The following NELL2 variants were observed in gnomAD, a reference collection of about 807,000 sequenced individuals.
NELL2 encodes the protein neural EGFL like 2.
In NELL2, 41 loss-of-function variants were observed where a neutral mutation model predicts 109.6. The ratio of observed to expected loss-of-function variants is 0.37; its 90% CI spans 0.29 to 0.49. The LOEUF is 0.49. NELL2 is among the 20% of genes least tolerant of loss of function. The pLI, the probability that NELL2 is intolerant of heterozygous loss-of-function variation, is 0.98. For synonymous variants in NELL2, 355 were observed against 344.7 expected, an observed-to-expected ratio of 1.03 and a Z score of -0.33; for missense variants, 900 against 1,008.3, an observed-to-expected ratio of 0.89 and a Z score of 1.45.
At chr12:44,654,106 C>G (rs1947401274) in intron 13 of NELL2, among the ~76,000 whole-genome samples, 1 of 152,194 alleles carries the variant, frequency 6.6e-6, no homozygotes, top group African/African-American at 2.4e-5. Flanking sequence ...CTTCTCTGAG[C>G]TCCCCACAGC....
At chr12:44,802,946 A>G (rs1166637002) in intron 3 of NELL2, among the ~76,000 whole-genome samples, 1 of 152,046 alleles carries the variant, frequency 6.6e-6, no homozygotes, top group East Asian at 1.9e-4. Flanking sequence ...TCTCCCTGAT[A>G]AAACACTAAT....
intron 9 of NELL2, among the ~76,000 whole-genome samples, chr12:44,762,951 A>C (rs1941186977): frequency 6.6e-6 from 1 of 152,172 alleles, no homozygotes; most frequent in Non-Finnish European, 1.5e-5. Flanking sequence ...TAGAACAATC[A>C]TTCCATATTA....
At position 44,508,914 on chromosome 12, in the gene NELL2, C is replaced by T; in HGVS notation, c.*20G>A. 1 of 1,600,772 alleles carries T rather than the reference C, an allele frequency of 6.2e-7. No individual in the cohort carries two copies. The highest frequency in any genetic ancestry group is 1.1e-5 in the South Asian group (1 of 89,192). ...GAAAGAACATTCTTTTAACAGAAATCTCCCATGAGACAGTTAACTTCACAG... is the reference window on the plus strand; with the variant it reads ...GAAAGAACATTCTTTTAACAGAAATTTCCCATGAGACAGTTAACTTCACAG... On this transcript the variant is annotated 3_prime_UTR_variant, in exon 20 of 20. Coordinates refer to ENST00000429094, the MANE Select transcript of NELL2 (RefSeq NM_001145108.2).
At chr12:44,566,172 C>T (rs555115173) in intron 15 of NELL2, among the ~76,000 whole-genome samples, 2 of 152,200 alleles carry the variant, frequency 1.3e-5, no homozygotes, top group East Asian at 1.9e-4. Context: ...TTCAAAATTA[C>T]ATAACTCAAT....
At chr12:44,690,541 G>GA (rs113014523) in intron 12 of NELL2, among the ~76,000 whole-genome samples, 4,838 of 138,580 alleles carry the variant, frequency 0.035, 190 homozygotes, top group African/African-American at 0.11. Context: ...CTGAGGTCTT[G>GA]AAAAAAAAAA....
chr12:44,813,901 A>G (rs1191169515), intron 3 of NELL2, among the ~76,000 whole-genome samples: 2 of 152,206 alleles, frequency 1.3e-5, no homozygotes, highest in African/African-American at 4.8e-5. Context: ...CTGACAGCAA[A>G]CCACCTGATG....
chr12:44,576,916 G>A (rs1240706211), intron 15 of NELL2, among the ~76,000 whole-genome samples: 6 of 146,976 alleles, frequency 4.1e-5, no homozygotes, highest in South Asian at 2.2e-4. Flanking sequence ...TGGTGTATAT[G>A]TGCCACATTT....
At chr12:44,888,235 A>G (rs929631757) in intron 1 of NELL2, among the ~76,000 whole-genome samples, 6 of 151,982 alleles carry the variant, frequency 3.9e-5, no homozygotes, top group African/African-American at 1.5e-4. Flanking sequence ...TTTGGTTACT[A>G]TAGCTTTGTA....
At chr12:44,784,702 C>A (rs761021340) in intron 3 of NELL2, among the ~76,000 whole-genome samples, 1 of 152,134 alleles carries the variant, frequency 6.6e-6, no homozygotes, top group Non-Finnish European at 1.5e-5. Flanking sequence ...CGGCTTCATC[C>A]CTGCGATGCA....
At chr12:44,848,667 AAGAG>A (rs113410725) in intron 2 of NELL2, among the ~76,000 whole-genome samples, 16 of 149,970 alleles carry the variant, frequency 1.1e-4, no homozygotes, top group South Asian at 4.2e-4. Flanking sequence ...CACTTTATAA[AAGAG>A]AGAGAGAGAG....
chr12:44,701,300 G>A lies in NELL2; in HGVS notation c.1318+2426C>T, dbSNP rs577922044. The stretch of plus-strand genomic sequence containing the variant: ...AGATATCTTGAATTTGATGATATAT[G>A]TTCAACAAATTTTTCCATCACTTTC... On this transcript the variant is annotated intron_variant, in intron 12 of 19. Coordinates refer to ENST00000429094, the MANE Select transcript of NELL2 (RefSeq NM_001145108.2). Among the ~76,000 whole-genome samples, 3 of 152,080 alleles carry A rather than the reference G, an allele frequency of 2.0e-5. No individual in the cohort carries two copies. The South Asian group carries it at 6.2e-4, about 32-fold the overall frequency.
chr12:44,572,250 T>C (rs1167338857), intron 15 of NELL2, among the ~76,000 whole-genome samples: 1 of 152,208 alleles, frequency 6.6e-6, no homozygotes, highest in African/African-American at 2.4e-5. Context: ...CAAGCGATTC[T>C]TCTGCCTCAG....
At chr12:44,720,708 CA>C (rs1488895874) in intron 9 of NELL2, among the ~76,000 whole-genome samples, 1 of 152,150 alleles carries the variant, frequency 6.6e-6, no homozygotes, top group Non-Finnish European at 1.5e-5. Flanking sequence ...AAATAATTCA[CA>C]AATTCATGAA....
chr12:44,660,710 C>T (rs1947711230), intron 13 of NELL2, among the ~76,000 whole-genome samples: 1 of 152,182 alleles, frequency 6.6e-6, no homozygotes, highest in African/African-American at 2.4e-5. Flanking sequence ...AACTACACAA[C>T]ATAGAGCTCA....
At chr12:44,907,675 G>C (rs1163066684) in intron 1 of NELL2, among the ~76,000 whole-genome samples, 1 of 152,098 alleles carries the variant, frequency 6.6e-6, no homozygotes, top group African/African-American at 2.4e-5. Flanking sequence ...GGTAGATTGA[G>C]TGAAGGCAAA....
At chr12:44,813,623 G>A (rs558233136) in intron 3 of NELL2, among the ~76,000 whole-genome samples, 4 of 152,190 alleles carry the variant, frequency 2.6e-5, no homozygotes, top group Non-Finnish European at 5.9e-5. Context: ...AAAGTAAGGG[G>A]TTGATTAAAC....
intron 15 of NELL2, among the ~76,000 whole-genome samples, chr12:44,604,776 G>C (rs1160369295): frequency 6.6e-6 from 1 of 152,134 alleles, no homozygotes; most frequent in African/African-American, 2.4e-5. Flanking sequence ...TGGGGAACAT[G>C]AAAGTTTTTC....
chr12:44,914,452 A>T (rs1431943449), upstream of NELL2, among the ~76,000 whole-genome samples: 2 of 152,164 alleles, frequency 1.3e-5, no homozygotes, highest in African/African-American at 4.8e-5. Flanking sequence ...TCACCTTATC[A>T]TAAGGTTTTC....
intron 14 of NELL2, among the ~76,000 whole-genome samples, chr12:44,609,804 C>T (rs765239647): frequency 1.3e-5 from 2 of 151,988 alleles, no homozygotes; most frequent in African/African-American, 2.4e-5. Context: ...AACAACTATT[C>T]CTTGTTCTTT....
Sources: gnomAD v4.1 joint callset for allele counts (sites outside exome capture counted in the v4.1 genomes callset) on GRCh38, gnomAD v4.1.1 for gene constraint, MANE v1.5 for transcripts, NCBI Gene and HGNC (gene_info 2026-07-23, HGNC 2026-07-21) for gene names.